The following RPRD1A variants were observed in gnomAD, a reference collection of about 807,000 sequenced individuals.
The protein encoded by RPRD1A is regulation of nuclear pre-mRNA domain-containing protein 1A.
In RPRD1A, 9 loss-of-function variants were observed where a neutral mutation model predicts 37.8. The ratio of observed to expected loss-of-function variants is 0.24; its 90% confidence interval spans 0.14 to 0.42. The LOEUF (loss-of-function observed/expected upper bound fraction) is 0.42. RPRD1A is among the 10% of genes least tolerant of loss of function. The pLI is 1.00. For synonymous variants in RPRD1A, 138 were observed against 139.7 expected (o/e 0.99, Z 0.08); for missense variants, 255 against 371.0 (o/e 0.69, Z 2.57).
At chr18:36,023,077 A>T (rs1024419175) in intron 6 of RPRD1A, among the ~76,000 whole-genome samples, 1 of 152,244 alleles carries the variant, frequency 6.6e-6, no homozygotes, top group African/African-American at 2.4e-5. Context: ...TGCCACTTAT[A>T]GATAAAAGAG....
In RPRD1A at chr18:35,992,028, C is replaced by G. The variant is rs1598585710; in HGVS notation, c.*1123G>C. Reference sequence around the variant, plus strand: ...AACAGCAGGAGAGCATGCAACTGCTCTAACACACAGGGTCAGAAATAAAAG... The same window carrying G: ...AACAGCAGGAGAGCATGCAACTGCTGTAACACACAGGGTCAGAAATAAAAG... On this transcript the variant is annotated 3_prime_UTR_variant, in exon 7 of 7. Coordinates refer to ENST00000399022, the MANE Select transcript of RPRD1A (RefSeq NM_018170.5). The G allele has an allele frequency of 6.6e-6, 1 of 152,622 alleles. No individual in the cohort carries two copies. The highest frequency in any genetic ancestry group is 2.4e-5 in the African/African-American group (1 of 41,452). The allele number at this position is 152,622 out of a possible 1,614,324, so 9.5% of individuals were successfully genotyped here.
chr18:36,033,302 A>C (rs971938417), intron 2 of RPRD1A, among the ~76,000 whole-genome samples: 1,167 of 112,270 alleles, frequency 0.01, 26 homozygotes, highest in African/African-American at 0.031. Context: ...TCTGTCTCAA[A>C]AAAAAAAAAA....
intron 1 of RPRD1A, among the ~76,000 whole-genome samples, chr18:36,051,390 A>C (rs1184173647): frequency 6.6e-6 from 1 of 152,220 alleles, no homozygotes; most frequent in Non-Finnish European, 1.5e-5. Context: ...GGGTGGAACA[A>C]TATAATAGAC....
intron 2 of RPRD1A, among the ~76,000 whole-genome samples, chr18:36,031,555 G>A (rs1911790953): frequency 6.6e-6 from 1 of 152,050 alleles, no homozygotes; most frequent in South Asian, 2.1e-4. Context: ...GACAGACCTG[G>A]CCCTGTTTAA....
At chr18:36,062,046 G>A (rs2088921561) in intron 1 of RPRD1A, among the ~76,000 whole-genome samples, 1 of 152,176 alleles carries the variant, frequency 6.6e-6, no homozygotes, top group African/African-American at 2.4e-5. Context: ...GGCCGGGCGC[G>A]GTGGCTCACG....
In RPRD1A at chr18:36,067,508, G is replaced by A. The variant is rs926956148; in HGVS notation, c.-104C>T. 23 of 1,226,950 alleles carry A rather than the reference G, an allele frequency of 1.9e-5. No individual in the cohort carries two copies. In the East Asian group the frequency reaches 4.8e-4, roughly 25 times the overall value. 76.0% of individuals were successfully genotyped at this position (1,226,950 alleles called of 1,614,324 possible). On this transcript the variant is annotated 5_prime_UTR_variant, in exon 1 of 7. Transcript: ENST00000399022. ...GCCCCCTCACCCCACCCTTCCCCACGCTCTCACCACGGCCGCCGCTTCATC... is the reference window on the plus strand; with the variant it reads ...GCCCCCTCACCCCACCCTTCCCCACACTCTCACCACGGCCGCCGCTTCATC...
At chr18:36,018,520 G>A (rs1366549582) in intron 6 of RPRD1A, among the ~76,000 whole-genome samples, 1 of 152,046 alleles carries the variant, frequency 6.6e-6, no homozygotes, top group African/African-American at 2.4e-5. Flanking sequence ...TGATCCACCC[G>A]CCTCGGCCTC....
chr18:36,041,658 G>C (rs749583062), intron 1 of RPRD1A, among the ~76,000 whole-genome samples: 31 of 152,200 alleles, frequency 2.0e-4, no homozygotes, highest in Non-Finnish European at 4.3e-4. Flanking sequence ...AAAACCTATA[G>C]ATTCTAACAA....
intron 6 of RPRD1A, among the ~76,000 whole-genome samples, chr18:36,024,178 G>C (rs189440994): frequency 2.0e-5 from 3 of 151,668 alleles, no homozygotes; most frequent in Non-Finnish European, 4.4e-5. Flanking sequence ...ATGGAGTCTC[G>C]GTCTGTCGCC....
chr18:36,005,256 G>GC (rs1432725777), intron 6 of RPRD1A, among the ~76,000 whole-genome samples: 5 of 150,800 alleles, frequency 3.3e-5, no homozygotes, highest in Non-Finnish European at 7.4e-5. Context: ...AGCTGAGATT[G>GC]CGCCACTGCA....
intron 1 of RPRD1A, among the ~76,000 whole-genome samples, chr18:36,066,457 C>T (rs2089033219): frequency 6.6e-6 from 1 of 152,212 alleles, no homozygotes; most frequent in Non-Finnish European, 1.5e-5. Flanking sequence ...AAAGTACAAG[C>T]TCAGACTAAG....
chr18:36,052,412 T>G (rs1469738714), intron 1 of RPRD1A, among the ~76,000 whole-genome samples: 1 of 151,928 alleles, frequency 6.6e-6, no homozygotes, highest in East Asian at 1.9e-4. Flanking sequence ...AAGCCAATAT[T>G]GTTGTATTTT....
At chr18:36,030,322 TA>T (rs113977208) in intron 4 of RPRD1A, among the ~76,000 whole-genome samples, 1 of 150,330 alleles carries the variant, frequency 6.7e-6, no homozygotes, top group Non-Finnish European at 1.5e-5. Context: ...CCATCTCTAT[TA>T]AACACAAAAA....
intron 6 of RPRD1A, among the ~76,000 whole-genome samples, chr18:36,014,165 G>A (rs1483834769): frequency 1.3e-5 from 2 of 152,100 alleles, no homozygotes; most frequent in East Asian, 1.9e-4. Context: ...CTGCCAGCAT[G>A]TGTCATAAAT....
chr18:36,027,053 A>C lies in RPRD1A; in HGVS notation c.636T>G (p.Leu212=). The C allele has an allele frequency of 1.2e-6, 2 of 1,614,018 alleles. No individual in the cohort carries two copies. Among genetic ancestry groups the C allele is most frequent in the East Asian group, 2.2e-5 (1 of 44,878 alleles). The change falls in exon 6 of 7, where the codon CTT becomes CTG. Residue 212 remains leucine (L), a synonymous_variant. Coordinates refer to ENST00000399022, the MANE Select transcript of RPRD1A (RefSeq NM_018170.5). Reference sequence around the variant, plus strand: ...TACACGCATCCTCTACCATTTTGGAAAGCCTTTCTCCAGATTCTTTATCTA... The same window carrying C: ...TACACGCATCCTCTACCATTTTGGACAGCCTTTCTCCAGATTCTTTATCTA... ...KITDKESGER[L]SKMVEDACML... is the part of the protein sequence containing the mutation.
At chr18:36,056,906 AT>A (rs1913812029) in intron 1 of RPRD1A, among the ~76,000 whole-genome samples, 1 of 151,970 alleles carries the variant, frequency 6.6e-6, no homozygotes, top group Admixed American at 6.6e-5. Flanking sequence ...CTCTTAATAC[AT>A]TTTAACAAAC....
At chr18:36,010,721 C>A (rs889295696) in intron 6 of RPRD1A, among the ~76,000 whole-genome samples, 37 of 152,202 alleles carry the variant, frequency 2.4e-4, no homozygotes, top group African/African-American at 8.4e-4. Context: ...GGAGAAAACA[C>A]TTCGCACCAA....
At position 36,033,692 on chromosome 18, in the gene RPRD1A, A is replaced by C. The variant is rs1259285909; in HGVS notation, c.281+16T>G. On this transcript the variant is annotated intron_variant, in intron 2 of 6. Transcript: ENST00000399022. ...ATTTAAAACAGATTACCTAATACCC[A>C]AAACTATGATCATACCTTGAAACAT... is the stretch of plus-strand genomic sequence containing the variant. 3 of 1,598,968 alleles carry C rather than the reference A, an allele frequency of 1.9e-6. No individual in the cohort carries two copies. The highest frequency in any genetic ancestry group is 2.7e-5 in the African/African-American group (2 of 74,146).
chr18:36,038,841 T>A (rs1598642677), intron 1 of RPRD1A, among the ~76,000 whole-genome samples: 1 of 152,148 alleles, frequency 6.6e-6, no homozygotes, highest in Admixed American at 6.5e-5. Context: ...CCCTGCTGGG[T>A]TTCGGACTTG....
Sources: allele counts gnomAD v4.1 joint callset (sites outside exome capture counted in the v4.1 genomes callset), GRCh38; gene constraint gnomAD v4.1.1; transcripts MANE v1.5; gene names NCBI Gene and HGNC (gene_info 2026-07-23, HGNC 2026-07-21).